The following COMMD10 variants were observed in gnomAD, a reference collection of about 807,000 sequenced individuals.
The protein encoded by COMMD10 is COMM domain containing 10.
In COMMD10, 33 loss-of-function variants were observed where a neutral mutation model predicts 28.9. The observed-to-expected ratio is 1.14, with a 90% CI of 0.87 to 1.53. The LOEUF is 1.53. Ranked by LOEUF, COMMD10 falls within the 40% of genes most tolerant of loss-of-function variation. The pLI, the probability that COMMD10 is intolerant of heterozygous loss-of-function variation, is 0.00. For missense variants in COMMD10, 310 were observed against 233.4 expected (o/e 1.33, Z -2.14); for synonymous variants, 110 against 81.7 (o/e 1.35, Z -1.87).
chr5:116,278,252 G>GT (rs1750972725), intron 5 of COMMD10, among the ~76,000 whole-genome samples: 1 of 151,672 alleles, frequency 6.6e-6, no homozygotes, highest in Admixed American at 6.6e-5. Flanking sequence ...GTTTCTCACT[G>GT]TTAAAAAAGC....
intron 5 of COMMD10, among the ~76,000 whole-genome samples, chr5:116,203,123 G>A (rs1026965653): frequency 1.1e-4 from 17 of 151,968 alleles, no homozygotes; most frequent in African/African-American, 4.1e-4. Flanking sequence ...AGTTTTCCCA[G>A]CACCATTTAT....
chr5:116,126,063 A>G (rs987779091), intron 4 of COMMD10, among the ~76,000 whole-genome samples: 1 of 152,244 alleles, frequency 6.6e-6, no homozygotes, highest in African/African-American at 2.4e-5. Flanking sequence ...TTAAGCTGAT[A>G]AGCAACTTCA....
At chr5:116,262,803 T>A (rs908853360) in intron 5 of COMMD10, among the ~76,000 whole-genome samples, 1 of 151,774 alleles carries the variant, frequency 6.6e-6, no homozygotes, top group Non-Finnish European at 1.5e-5. Flanking sequence ...ATTTGCACAA[T>A]ATCTGGCAAT....
At chr5:116,231,861 G>T (rs1749537609) in intron 5 of COMMD10, among the ~76,000 whole-genome samples, 2 of 151,964 alleles carry the variant, frequency 1.3e-5, no homozygotes, top group Admixed American at 6.6e-5. Context: ...AAAAACAACA[G>T]AATATAAAAT....
intron 5 of COMMD10, among the ~76,000 whole-genome samples, chr5:116,248,778 C>T (rs1750029860): frequency 6.6e-6 from 1 of 151,804 alleles, no homozygotes; most frequent in African/African-American, 2.4e-5. Flanking sequence ...TCATGTGAAG[C>T]AACTCATGTA....
At chr5:116,269,243 A>T (rs1010233838) in intron 5 of COMMD10, among the ~76,000 whole-genome samples, 2 of 151,894 alleles carry the variant, frequency 1.3e-5, no homozygotes, top group African/African-American at 4.9e-5. Context: ...TTTATTTCAA[A>T]GTACTGAAAT....
intron 5 of COMMD10, chr5:116,217,949 A>G: frequency 1.3e-6 from 1 of 768,678 alleles, no homozygotes; most frequent in South Asian, 1.4e-5. Flanking sequence ...TTGCATTTTT[A>G]TAAAACTTGG....
At chr5:116,157,653 C>G (rs751277006) in intron 5 of COMMD10, among the ~76,000 whole-genome samples, 2 of 152,140 alleles carry the variant, frequency 1.3e-5, no homozygotes, top group Non-Finnish European at 2.9e-5. Context: ...GAAGTAGATT[C>G]TAATTGTTGA....
intron 5 of COMMD10, among the ~76,000 whole-genome samples, chr5:116,212,117 G>A (rs1435191576): frequency 2.0e-5 from 3 of 152,068 alleles, no homozygotes; most frequent in Admixed American, 2.0e-4. Flanking sequence ...AACACAACTT[G>A]ATAAATATTC....
rs1262847789 is a variant in COMMD10, at chr5:116,092,602, C to T, written c.301C>T (p.Leu101Phe). Residue 101 changes from leucine (L) to phenylalanine (F), a missense_variant, in exon 4 of 7, where the codon CTT (leucine) becomes TTT (phenylalanine). Transcript: ENST00000274458. ...ALQQQLENIH[L>F]RQDKAEAFVN... ...GCAGCAGCAATTAGAGAACATTCAT[C>T]TTAGACAAGACAAAGCTGAAGCATT... The T allele has an allele frequency of 1.2e-6, 2 of 1,612,142 alleles. No homozygotes were observed. Among genetic ancestry groups the T allele is most frequent in the Non-Finnish European group, 8.5e-7 (1 of 1,179,028 alleles).
intron 5 of COMMD10, chr5:116,218,242 C>T (rs945886615): frequency 1.6e-5 from 12 of 750,488 alleles, no homozygotes; most frequent in African/African-American, 3.4e-5. Flanking sequence ...GTGGTTCGTC[C>T]TTTACCTTGG....
intron 2 of COMMD10, among the ~76,000 whole-genome samples, chr5:116,088,518 T>A (rs1455791584): frequency 1.3e-5 from 2 of 152,252 alleles, no homozygotes; most frequent in African/African-American, 4.8e-5. Context: ...TCCATTGCCC[T>A]ATGGAGAAAA....
At chr5:116,220,288 C>G (rs1023833583) in intron 5 of COMMD10, among the ~76,000 whole-genome samples, 2 of 152,186 alleles carry the variant, frequency 1.3e-5, no homozygotes, top group Non-Finnish European at 2.9e-5. Context: ...CATTCATGTT[C>G]TTCAGGAGTG....
chr5:116,131,257 A>G (rs1009118150), intron 4 of COMMD10, among the ~76,000 whole-genome samples: 3 of 152,068 alleles, frequency 2.0e-5, no homozygotes, highest in Non-Finnish European at 4.4e-5. Flanking sequence ...GGAACTTCAC[A>G]GCCCACACTC....
At chr5:116,274,858 T>C (rs185322419) in intron 5 of COMMD10, among the ~76,000 whole-genome samples, 9 of 151,952 alleles carry the variant, frequency 5.9e-5, no homozygotes, top group Non-Finnish European at 1.3e-4. Context: ...TTTGTGTTAC[T>C]ATAGCTCTAA....
At chr5:116,120,279 C>T (rs965921863) in intron 4 of COMMD10, among the ~76,000 whole-genome samples, 1 of 151,934 alleles carries the variant, frequency 6.6e-6, no homozygotes, top group Non-Finnish European at 1.5e-5. Flanking sequence ...TTACGTTCTC[C>T]CTTATTGGGA....
chr5:116,239,439 T>G (rs1749758665), intron 5 of COMMD10, among the ~76,000 whole-genome samples: 1 of 152,140 alleles, frequency 6.6e-6, no homozygotes, highest in African/African-American at 2.4e-5. Flanking sequence ...TTTAAAAAAC[T>G]CGTATCATGA....
chr5:116,227,603 C>G (rs532191752), intron 5 of COMMD10, among the ~76,000 whole-genome samples: 22 of 152,176 alleles, frequency 1.4e-4, no homozygotes, highest in African/African-American at 5.3e-4. Flanking sequence ...TGGAACATGT[C>G]CAGAAATACT....
chr5:116,147,279 C>T (rs1752382861), intron 5 of COMMD10, among the ~76,000 whole-genome samples: 1 of 151,800 alleles, frequency 6.6e-6, no homozygotes, highest in South Asian at 2.1e-4. Flanking sequence ...TAACTAGGGT[C>T]ATTGATGAAC....
Sources: gnomAD v4.1 joint callset for allele counts (sites outside exome capture counted in the v4.1 genomes callset) on GRCh38, gnomAD v4.1.1 for gene constraint, MANE v1.5 for transcripts, NCBI Gene and HGNC (gene_info 2026-07-23, HGNC 2026-07-21) for gene names.